PBX1: variants seen among roughly 807,000 people sequenced by gnomAD.
PBX1 encodes PBX homeobox 1.
In PBX1, 6 loss-of-function variants were observed where a neutral mutation model predicts 53.4. The ratio of observed to expected loss-of-function variants is 0.11; its 90% CI spans 0.06 to 0.22. The LOEUF (loss-of-function observed/expected upper bound fraction) is 0.22, where lower values mean the gene tolerates loss of function less well. Ranked by LOEUF, PBX1 falls within the 10% of genes least tolerant of loss-of-function variation. The pLI, the probability that PBX1 is intolerant of heterozygous loss-of-function variation, is 1.00. For synonymous variants in PBX1, 204 were observed against 212.3 expected, an observed-to-expected ratio of 0.96 and a Z score of 0.34; for missense variants, 251 against 551.4, an observed-to-expected ratio of 0.46 and a Z score of 5.46.
chr1:164,559,524 G>T lies in PBX1; in HGVS notation c.-299G>T. 2.9e-6 allele frequency: 1 copy of T among 343,638 alleles called. No individual in the cohort carries two copies. Among genetic ancestry groups the T allele is most frequent in the East Asian group, 4.6e-5 (1 of 21,810 alleles). The allele number at this position is 343,638 out of a possible 1,614,324, so 21.3% of individuals were successfully genotyped here. On this transcript the variant is annotated 5_prime_UTR_variant, in exon 1 of 9. Transcript: ENST00000420696. ...CAGCTCTGATTTCTTTTCGCCAAGT[G>T]GGAAGGTGGTTTATTTTTCTTGCTT... is the stretch of plus-strand genomic sequence containing the variant.
intron 2 of PBX1, among the ~76,000 whole-genome samples, chr1:164,877,405 G>C (rs1475841562): frequency 6.6e-6 from 1 of 152,210 alleles, no homozygotes; most frequent in Admixed American, 6.5e-5. Context: ...GCTCACGCCT[G>C]TAATCCCAGC....
At chr1:164,599,511 G>C (rs915475623) in intron 2 of PBX1, among the ~76,000 whole-genome samples, 6 of 152,124 alleles carry the variant, frequency 3.9e-5, no homozygotes, top group African/African-American at 1.4e-4. Context: ...AGGGTTAATA[G>C]TTCAAACCCA....
chr1:164,718,260 A>G (rs1571280173), intron 2 of PBX1, among the ~76,000 whole-genome samples: 1 of 152,224 alleles, frequency 6.6e-6, no homozygotes, highest in Admixed American at 6.5e-5. Flanking sequence ...AGCATATTCA[A>G]GGTAATTTTG....
chr1:164,763,030 A>T (rs1442444065), intron 2 of PBX1, among the ~76,000 whole-genome samples: 1 of 152,182 alleles, frequency 6.6e-6, no homozygotes, highest in East Asian at 1.9e-4. Context: ...TTCTAAAGGG[A>T]TAGCTTTTAT....
At chr1:164,714,338 G>T (rs1053392939) in intron 2 of PBX1, among the ~76,000 whole-genome samples, 5 of 152,186 alleles carry the variant, frequency 3.3e-5, no homozygotes, top group Non-Finnish European at 7.3e-5. Flanking sequence ...TTACATGTAG[G>T]CTAAGCCCCC....
chr1:164,807,522 T>A lies in PBX1; in HGVS notation c.702-20T>A. The stretch of plus-strand genomic sequence containing the variant: ...TTTGGTGTGAGCCTTTTTGTTATTA[T>A]TTCCTTTCTCTTTACAAAGGCGGAA... On this transcript the variant is annotated intron_variant, in intron 4 of 8. Transcript: ENST00000420696. 2 of 1,610,148 alleles carry A rather than the reference T, an allele frequency of 1.2e-6. No homozygotes were observed. The highest frequency in any genetic ancestry group is 2.2e-5 in the South Asian group (2 of 89,988).
intron 2 of PBX1, among the ~76,000 whole-genome samples, chr1:164,572,005 C>G (rs1653917133): frequency 6.8e-6 from 1 of 146,944 alleles, no homozygotes; most frequent in Non-Finnish European, 1.5e-5. Flanking sequence ...TTCCCAGGTT[C>G]AAGCGATTCT....
At chr1:164,743,224 G>C (rs1246683315) in intron 2 of PBX1, among the ~76,000 whole-genome samples, 1 of 152,146 alleles carries the variant, frequency 6.6e-6, no homozygotes, top group African/African-American at 2.4e-5. Flanking sequence ...CATGATAACA[G>C]AATTGCTAAT....
At chr1:164,852,697 T>C (rs1671885149), downstream of PBX1, among the ~76,000 whole-genome samples, 1 of 152,226 alleles carries the variant, frequency 6.6e-6, no homozygotes, top group South Asian at 2.1e-4. Flanking sequence ...ATCACAATTC[T>C]AAATGATAGA....
intron 6 of PBX1, chr1:164,816,298 A>C (rs1571461548): frequency 6.6e-6 from 1 of 152,184 alleles, no homozygotes; most frequent in African/African-American, 2.4e-5. Flanking sequence ...AAAAGCAAGC[A>C]TGCATGGGAC....
intron 2 of PBX1, among the ~76,000 whole-genome samples, chr1:164,668,261 A>G (rs544951722): frequency 1.3e-5 from 2 of 152,164 alleles, no homozygotes; most frequent in Non-Finnish European, 2.9e-5. Flanking sequence ...ACCTTTGTTT[A>G]CCTAAGCAAT....
intron 3 of PBX1, among the ~76,000 whole-genome samples, 157 bp from the exon 4 acceptor site, chr1:164,799,542 G>A (rs1668963681): frequency 6.6e-6 from 1 of 152,110 alleles, no homozygotes; most frequent in Non-Finnish European, 1.5e-5. Context: ...CCAAAACTTT[G>A]AGCCACAGGG....
At chr1:164,814,583 T>TA (rs1234215515) in intron 6 of PBX1, 1 of 152,088 alleles carries the variant, frequency 6.6e-6, no homozygotes, top group African/African-American at 2.4e-5. Flanking sequence ...CTACCAAAAT[T>TA]ACAAAAATTA....
rs115735008 is a variant in PBX1, at chr1:164,856,992, C to A, written n.257+25509C>A. Reference sequence around the variant, plus strand: ...TGCCAGGTTCTTCCTGATGCCACTTCTGACAACAGATGAGAAGTTTTCTTC... The same window carrying A: ...TGCCAGGTTCTTCCTGATGCCACTTATGACAACAGATGAGAAGTTTTCTTC... On this transcript the variant is annotated intron_variant and non_coding_transcript_variant, in intron 2 of 2. Coordinates refer to the PBX1 transcript ENST00000558796. Among the ~76,000 whole-genome samples the A allele has an allele frequency of 5.3e-3, 809 of 152,262 alleles. 12 individuals are homozygous for A. Among genetic ancestry groups the A allele is most frequent in the African/African-American group, 0.018 (766 of 41,558 alleles).
chr1:164,813,050 G>T (rs781250064), intron 6 of PBX1: 1 of 152,086 alleles, frequency 6.6e-6, no homozygotes, highest in Non-Finnish European at 1.5e-5. Flanking sequence ...AAATATGTTT[G>T]ATCGTAATAT....
At chr1:164,587,492 C>T (rs1378646275) in intron 2 of PBX1, among the ~76,000 whole-genome samples, 1 of 152,012 alleles carries the variant, frequency 6.6e-6, no homozygotes, top group Non-Finnish European at 1.5e-5. Flanking sequence ...TATACTCACC[C>T]AGCACTTTAT....
At position 164,846,921 on chromosome 1, in the gene PBX1, G is replaced by T. The variant is rs947584541; in HGVS notation, c.*245G>T. 147 of 1,363,154 alleles carry T rather than the reference G, an allele frequency of 1.1e-4. No individual in the cohort carries two copies. Among genetic ancestry groups the T allele is most frequent in the Non-Finnish European group, 1.4e-4 (145 of 1,056,248 alleles). 84.4% of individuals were successfully genotyped at this position (1,363,154 alleles called of 1,614,324 possible). ...TTCCCTGCCTCCAGCTGTCAGCCTGGTTTTCGTCATCTTCCCTGCCCCTGT... is the reference window on the plus strand; with the variant it reads ...TTCCCTGCCTCCAGCTGTCAGCCTGTTTTTCGTCATCTTCCCTGCCCCTGT... On this transcript the variant is annotated 3_prime_UTR_variant, in exon 9 of 9. Transcript: ENST00000420696.
rs1557885908 is a variant in PBX1, at chr1:164,603,962, T to TTTTTA, written c.265+40651_265+40652insTTTTA. On this transcript the variant is annotated intron_variant, in intron 2 of 8. Transcript: ENST00000420696. ...TTTTTTTTTTTTTTTTTTTTTTTTT[T>TTTTTA]AGAGATGAGTCTCTGTCACCCAGGC... Among the ~76,000 whole-genome samples the TTTTTA allele has an allele frequency of 5.5e-5, 7 of 127,110 alleles. 1 individual carries two copies. Among genetic ancestry groups the TTTTTA allele is most frequent in the Admixed American group, 1.8e-4 (2 of 10,998 alleles). The allele number at this position is 127,110 out of a possible 152,430, so 83.4% of individuals were successfully genotyped here.
chr1:164,821,602 G>C lies in PBX1; in HGVS notation c.1176G>C (p.Gln392His), dbSNP rs1420999764. The change falls in exon 8 of 9, where the codon CAG (glutamine) becomes CAC (histidine). Residue 392 changes from glutamine (Q) to histidine (H), a missense_variant. Physicochemically the swap from Gln to His is conservative, Grantham distance 24. Transcript: ENST00000420696. ...GGYSDGLAAS[Q>H]MYSPQGISAN... ...ACAGTGATGGACTCGCAGCCAGTCA[G>C]ATGTACAGTCCGCAGGGCATCAGTG... is the stretch of plus-strand genomic sequence containing the variant. 6.2e-7 allele frequency: 1 copy of C among 1,614,020 alleles called. No individual in the cohort carries two copies. The highest frequency in any genetic ancestry group is 8.5e-7 in the Non-Finnish European group (1 of 1,179,906).
Sources: gnomAD v4.1 joint callset for allele counts (sites outside exome capture counted in the v4.1 genomes callset) on GRCh38, gnomAD v4.1.1 for gene constraint, MANE v1.5 for transcripts, NCBI Gene and HGNC (gene_info 2026-07-23, HGNC 2026-07-21) for gene names.